TRIM71: variants seen among roughly 807,000 people sequenced by gnomAD.
TRIM71 encodes the protein tripartite motif containing 71, also known as E3 ubiquitin-protein ligase TRIM71.
A neutral mutation model predicts 61.2 loss-of-function variants in TRIM71; 9 were observed. The ratio of observed to expected loss-of-function variants is 0.15; its 90% confidence interval spans 0.09 to 0.26. TRIM71 has a LOEUF of 0.26. Among genes scored for constraint, TRIM71 ranks in the 10% least tolerant of loss-of-function variants. The pLI is 1.00. For missense variants in TRIM71, 998 were observed against 1,238.7 expected (o/e 0.81, Z 2.92); for synonymous variants, 645 against 553.2 (o/e 1.17, Z -2.33).
At chr3:32,827,260 G>A (rs960217557) in intron 1 of TRIM71, among the ~76,000 whole-genome samples, 1 of 127,726 alleles carries the variant, frequency 7.8e-6, no homozygotes, top group African/African-American at 2.8e-5. Flanking sequence ...AAGGGTAGGG[G>A]GATAATTCTT....
rs532842317 is a variant in TRIM71 at position 32,852,821 on chromosome 3, T to C, written c.853-20997T>C. ...ATTTAGTATAAGCAATAATGAAACA[T>C]GTAGCTTTGTCTTGGAAAATATTTT... On this transcript the variant is annotated intron_variant, in intron 1 of 3. Coordinates refer to ENST00000383763, the MANE Select transcript of TRIM71 (RefSeq NM_001039111.3). Among the ~76,000 whole-genome samples the C allele has an allele frequency of 1.5e-3, 228 of 150,838 alleles. 1 individual carries two copies. Among genetic ancestry groups the C allele is most frequent in the African/African-American group, 5.3e-3 (219 of 41,168 alleles).
chr3:32,852,639 GA>G lies in TRIM71; in HGVS notation c.853-21172del, dbSNP rs932147915. Among the ~76,000 whole-genome samples the G allele has an allele frequency of 7.9e-5, 12 of 151,652 alleles. 1 individual carries two copies. Among genetic ancestry groups the G allele is most frequent in the African/African-American group, 2.7e-4 (11 of 41,312 alleles). On this transcript the variant is annotated intron_variant, in intron 1 of 3. Transcript: ENST00000383763. ...GAGGGTTCTTGAGTTTGGAAGTAATGAAAAAAAGAAAGCAGCTGAATTTAGC... is the reference window on the plus strand; with the variant it reads ...GAGGGTTCTTGAGTTTGGAAGTAATGAAAAAAGAAAGCAGCTGAATTTAGC...
chr3:32,828,649 C>T (rs538386402), intron 1 of TRIM71, among the ~76,000 whole-genome samples: 2 of 151,522 alleles, frequency 1.3e-5, no homozygotes, highest in Non-Finnish European at 2.9e-5. Context: ...GTGCATGCCA[C>T]GATGCCCGGC....
intron 2 of TRIM71, among the ~76,000 whole-genome samples, chr3:32,877,083 A>T (rs549956893): frequency 5.9e-5 from 9 of 151,928 alleles, no homozygotes; most frequent in Non-Finnish European, 1.2e-4. Context: ...GTGATTTCCT[A>T]GAAAGTTTTT....
intron 2 of TRIM71, among the ~76,000 whole-genome samples, chr3:32,881,376 C>T (rs912755792): frequency 2.0e-5 from 3 of 152,172 alleles, no homozygotes; most frequent in Admixed American, 6.5e-5. Context: ...TGGTCGCCTA[C>T]AAGTGTATGG....
chr3:32,887,122 C>T (rs1008231497), intron 3 of TRIM71, among the ~76,000 whole-genome samples: 2 of 152,152 alleles, frequency 1.3e-5, no homozygotes, highest in African/African-American at 4.8e-5. Context: ...TTTCTTGCAA[C>T]CTGAGAGCTT....
intron 1 of TRIM71, among the ~76,000 whole-genome samples, chr3:32,865,815 CTTTTTTTTT>C (rs139123002): frequency 1.8e-4 from 3 of 16,298 alleles, no homozygotes; most frequent in East Asian, 4.3e-3. Context: ...CCCGCCCCAC[CTTTTTTTTT>C]TTTTTTTTTT....
intron 1 of TRIM71, among the ~76,000 whole-genome samples, chr3:32,860,900 C>T (rs1198874916): frequency 3.3e-5 from 5 of 152,064 alleles, no homozygotes; most frequent in African/African-American, 1.2e-4. Flanking sequence ...TGGGGCTGGG[C>T]GCGGTGGCTC....
At position 32,818,706 on chromosome 3, in the gene TRIM71, C is replaced by T. The variant is rs1696091850; in HGVS notation, c.626C>T (p.Ser209Phe). The T allele has an allele frequency of 6.3e-7, 1 of 1,586,564 alleles. No individual in the cohort carries two copies. Among genetic ancestry groups the T allele is most frequent in the East Asian group, 2.3e-5 (1 of 44,118 alleles). Reference sequence around the variant, plus strand: ...TCGTGCGATGAGGGCAACGCAGCTTCTTCGCGCTGCCTCGACTGCCAGGAG... The same window carrying T: ...TCGTGCGATGAGGGCAACGCAGCTTTTTCGCGCTGCCTCGACTGCCAGGAG... ...CSSCDEGNAA[S>F]SRCLDCQEHL... The change falls in exon 1 of 4, where the codon TCT becomes TTT. Residue 209 changes from serine to phenylalanine, a missense_variant. Ser to Phe is a radical substitution (Grantham distance 155). Coordinates refer to ENST00000383763, the MANE Select transcript of TRIM71 (RefSeq NM_001039111.3).
intron 3 of TRIM71, among the ~76,000 whole-genome samples, chr3:32,886,286 G>C (rs1469283480): frequency 6.6e-6 from 1 of 152,208 alleles, no homozygotes; most frequent in Non-Finnish European, 1.5e-5. Flanking sequence ...TCAGAAGTAC[G>C]TGGGTAACCA....
chr3:32,854,227 C>G (rs950392810), intron 1 of TRIM71, among the ~76,000 whole-genome samples: 1 of 152,178 alleles, frequency 6.6e-6, no homozygotes, highest in Non-Finnish European at 1.5e-5. Flanking sequence ...CTCCTTGACT[C>G]AAGTGGTCTG....
chr3:32,870,325 TC>T (rs1352990027), intron 1 of TRIM71, among the ~76,000 whole-genome samples: 3 of 152,198 alleles, frequency 2.0e-5, no homozygotes, highest in African/African-American at 7.2e-5. Flanking sequence ...TTGAGGCCAT[TC>T]TTTTACTCAC....
chr3:32,863,293 C>T (rs533424948), intron 1 of TRIM71, among the ~76,000 whole-genome samples: 216 of 145,586 alleles, frequency 1.5e-3, no homozygotes, highest in Non-Finnish European at 2.6e-3. Flanking sequence ...ACAGCAGCCT[C>T]GAACTCTTGG....
chr3:32,827,793 C>A (rs1696221584), intron 1 of TRIM71, among the ~76,000 whole-genome samples: 2 of 152,188 alleles, frequency 1.3e-5, no homozygotes, highest in Admixed American at 1.3e-4. Context: ...TCAGGCGCCT[C>A]TGAGAATGAG....
intron 2 of TRIM71, among the ~76,000 whole-genome samples, chr3:32,882,609 A>G (rs552922379): frequency 6.6e-6 from 1 of 152,124 alleles, no homozygotes; most frequent in Non-Finnish European, 1.5e-5. Flanking sequence ...GCGGTGGTGC[A>G]GTCACAGCTT....
chr3:32,881,416 C>T (rs187930424), intron 2 of TRIM71, among the ~76,000 whole-genome samples: 9 of 152,128 alleles, frequency 5.9e-5, no homozygotes, highest in South Asian at 2.1e-4. Context: ...ACCTTCTGAC[C>T]GTTGGGCTCT....
At chr3:32,831,536 CTTT>C (rs71068093) in intron 1 of TRIM71, among the ~76,000 whole-genome samples, 20 of 96,672 alleles carry the variant, frequency 2.1e-4, no homozygotes, top group Non-Finnish European at 2.7e-4. Flanking sequence ...GCTTATCTTC[CTTT>C]TTTTTTTTTT....
intron 2 of TRIM71, 32 bp downstream of exon 2, chr3:32,874,017 C>T (rs375275511): frequency 8.3e-6 from 13 of 1,561,204 alleles, no homozygotes; most frequent in African/African-American, 2.7e-5. Flanking sequence ...GCAGTTCCCA[C>T]GTGAATCGAG....
At chr3:32,884,979 T>C (rs1213158150) in intron 2 of TRIM71, among the ~76,000 whole-genome samples, 1 of 152,152 alleles carries the variant, frequency 6.6e-6, no homozygotes, top group Non-Finnish European at 1.5e-5. Context: ...TAACCCAGGA[T>C]TGGAACCTGG....
Sources: gnomAD v4.1 joint callset for allele counts (sites outside exome capture counted in the v4.1 genomes callset) on GRCh38, gnomAD v4.1.1 for gene constraint, MANE v1.5 for transcripts, NCBI Gene and HGNC (gene_info 2026-07-23, HGNC 2026-07-21) for gene names.